The following SNX29 variants were observed in gnomAD, a reference collection of about 807,000 sequenced individuals.
SNX29 encodes the protein sorting nexin-29.
In SNX29, 78 loss-of-function variants were observed where a neutral mutation model predicts 102.1. The ratio of observed to expected loss-of-function variants is 0.76; its 90% CI spans 0.64 to 0.92. The LOEUF is 0.92. Among genes scored for constraint, SNX29 ranks in the 40% least tolerant of loss-of-function variants. The pLI, the probability that SNX29 is intolerant of heterozygous loss-of-function variation, is 0.00. For synonymous variants in SNX29, 580 were observed against 414.5 expected (o/e 1.40, Z -4.85); for missense variants, 1,280 against 1,061.7 (o/e 1.21, Z -2.86).
chr16:12,556,090 G>C (rs774005998), intron 20 of SNX29, among the ~76,000 whole-genome samples: 1 of 152,110 alleles, frequency 6.6e-6, no homozygotes, highest in African/African-American at 2.4e-5. Flanking sequence ...ATTAATTTCT[G>C]CTTTCATTGA....
intron 3 of SNX29, among the ~76,000 whole-genome samples, chr16:12,024,186 A>G (rs574406626): frequency 6.6e-6 from 1 of 151,264 alleles, no homozygotes; most frequent in African/African-American, 2.4e-5. Context: ...TTGCCCAGGC[A>G]GGAATATAAT....
intron 19 of SNX29, among the ~76,000 whole-genome samples, chr16:12,508,769 C>T (rs952526860): frequency 1.3e-5 from 2 of 152,036 alleles, no homozygotes; most frequent in African/African-American, 2.4e-5. Context: ...GTATAAATGC[C>T]ACGCCACCTT....
At position 12,415,655 on chromosome 16, in the gene SNX29, C is replaced by T. The variant is rs368066844; in HGVS notation, c.2037+12126C>T. ...TGATTGGGGCTGGTCTAGGATGTTA[C>T]CTCCCACATCCAGGGGAGGAAGTGA... On this transcript the variant is annotated intron_variant, in intron 18 of 20. Coordinates refer to ENST00000566228, the MANE Select transcript of SNX29 (RefSeq NM_032167.5). 5.9e-5 allele frequency among the ~76,000 whole-genome samples: 9 copies of T among 151,816 alleles called. No individual in the cohort carries two copies. The East Asian group carries it at 1.2e-3, about 20-fold the overall frequency.
chr16:12,099,836 C>T (rs1348110040), intron 11 of SNX29, among the ~76,000 whole-genome samples: 1 of 152,108 alleles, frequency 6.6e-6, no homozygotes, highest in African/African-American at 2.4e-5. Flanking sequence ...GACTGCCTGG[C>T]TCTGAGATGG....
At chr16:12,454,062 TA>T (rs1397869975) in intron 18 of SNX29, among the ~76,000 whole-genome samples, 1 of 152,222 alleles carries the variant, frequency 6.6e-6, no homozygotes, top group African/African-American at 2.4e-5. Flanking sequence ...TATGGCCATG[TA>T]ACTAAGATCT....
chr16:12,112,737 C>T (rs983785248), intron 11 of SNX29, among the ~76,000 whole-genome samples: 1 of 152,198 alleles, frequency 6.6e-6, no homozygotes, highest in African/African-American at 2.4e-5. Flanking sequence ...ACTGATTGTT[C>T]AGTTTCCAGT....
intron 19 of SNX29, among the ~76,000 whole-genome samples, chr16:12,517,846 C>G (rs985333460): frequency 6.6e-6 from 1 of 152,090 alleles, no homozygotes; most frequent in South Asian, 2.1e-4. Flanking sequence ...CCCGAGAGGT[C>G]TCTCGGAGGT....
intron 15 of SNX29, among the ~76,000 whole-genome samples, chr16:12,322,766 C>G (rs2080981634): frequency 6.6e-6 from 1 of 150,688 alleles, no homozygotes; most frequent in South Asian, 2.1e-4. Context: ...TGGGGGACCA[C>G]CGTCAGGATG....
At chr16:12,352,861 C>T (rs2082025751) in intron 15 of SNX29, among the ~76,000 whole-genome samples, 1 of 152,202 alleles carries the variant, frequency 6.6e-6, no homozygotes, top group Non-Finnish European at 1.5e-5. Flanking sequence ...TCCTCCTTAA[C>T]TACCTGCAGA....
At chr16:12,430,389 A>T (rs886741645) in intron 18 of SNX29, among the ~76,000 whole-genome samples, 1 of 152,330 alleles carries the variant, frequency 6.6e-6, no homozygotes, top group Middle Eastern at 3.4e-3. Context: ...CACTTACATC[A>T]GTTGCTGTGT....
intron 18 of SNX29, among the ~76,000 whole-genome samples, chr16:12,467,700 G>C (rs1220988003): frequency 6.6e-6 from 1 of 151,628 alleles, no homozygotes; most frequent in African/African-American, 2.4e-5. Context: ...TAAAAGTTTA[G>C]TCCTGGGAAT....
chr16:12,009,181 C>T (rs915240369), intron 3 of SNX29, among the ~76,000 whole-genome samples: 10 of 151,918 alleles, frequency 6.6e-5, no homozygotes, highest in African/African-American at 2.4e-4. Flanking sequence ...GAGTCAAATT[C>T]AAGACAAATA....
chr16:11,985,163 A>G (rs966409599), intron 1 of SNX29, among the ~76,000 whole-genome samples: 2 of 151,988 alleles, frequency 1.3e-5, no homozygotes, highest in African/African-American at 4.8e-5. Context: ...AAGTGGTTGC[A>G]CTAGTTTCAA....
chr16:12,302,980 A>G (rs1397886725), intron 15 of SNX29, among the ~76,000 whole-genome samples: 5 of 152,242 alleles, frequency 3.3e-5, no homozygotes, highest in Non-Finnish European at 7.3e-5. Context: ...AATGATGTTT[A>G]TAAACACCTG....
In SNX29 at chr16:12,264,597, C is replaced by A. The variant is rs1401320603; in HGVS notation, c.1679-13336C>A. ...AGGAGCTTGAGACGAGCCTGGCTAACAAGGTGAAACCCTGTCTCTACTGAA... is the reference window on the plus strand; with the variant it reads ...AGGAGCTTGAGACGAGCCTGGCTAAAAAGGTGAAACCCTGTCTCTACTGAA... On this transcript the variant is annotated intron_variant, in intron 14 of 20. Transcript: ENST00000566228. Among the ~76,000 whole-genome samples the A allele has an allele frequency of 2.6e-5, 4 of 152,284 alleles. No individual in the cohort carries two copies. The East Asian group carries it at 7.7e-4, about 29-fold the overall frequency.
chr16:12,225,315 T>G (rs900492144), intron 14 of SNX29, among the ~76,000 whole-genome samples: 16 of 152,132 alleles, frequency 1.1e-4, no homozygotes, highest in African/African-American at 3.9e-4. Context: ...CATCCAAATC[T>G]CATCTTGGAT....
intron 3 of SNX29, among the ~76,000 whole-genome samples, chr16:12,006,627 C>CT (rs893975035): frequency 4.5e-4 from 65 of 144,150 alleles, no homozygotes; most frequent in Middle Eastern, 3.8e-3. Flanking sequence ...ATTACCCTTT[C>CT]TTTTTTTTTT....
At position 12,568,523 on chromosome 16, in the gene SNX29, G is replaced by C. The variant is rs746735031; in HGVS notation, c.2336G>C (p.Gly779Ala). The change falls in exon 21 of 21, where the codon GGA becomes GCA. Residue 779 changes from glycine to alanine, a missense_variant. By Grantham distance (60) the Gly-to-Ala change is moderately conservative. Transcript: ENST00000566228. ...TCTTTCAGCGACATCACCCCGCCCGGAGAGCCTGTGAACAGCCGGCCCAAA... is the reference window on the plus strand; with the variant it reads ...TCTTTCAGCGACATCACCCCGCCCGCAGAGCCTGTGAACAGCCGGCCCAAA... ...MPFFVDITPP[G>A]EPVNSRPKAA... 1.9e-6 allele frequency: 3 copies of C among 1,609,680 alleles called. No homozygotes were observed. Among genetic ancestry groups the C allele is most frequent in the South Asian group, 2.2e-5 (2 of 91,064 alleles).
chr16:12,562,026 A>G (rs892840306), intron 20 of SNX29, among the ~76,000 whole-genome samples: 2 of 152,054 alleles, frequency 1.3e-5, no homozygotes, highest in Non-Finnish European at 2.9e-5. Context: ...CTGGCCCCTC[A>G]TGGATTTAGG....
Sources: gnomAD v4.1 joint callset for allele counts (sites outside exome capture counted in the v4.1 genomes callset) on GRCh38, gnomAD v4.1.1 for gene constraint, MANE v1.5 for transcripts, NCBI Gene and HGNC (gene_info 2026-07-23, HGNC 2026-07-21) for gene names.